Variants in ACAP2 observed in about 807,000 individuals in gnomAD.
ACAP2 encodes the protein arf-GAP with coiled-coil, ANK repeat and PH domain-containing protein 2.
ACAP2 carries 39 observed loss-of-function variants against 115.8 expected under a neutral mutation model. The observed-to-expected ratio is 0.34, with a 90% CI of 0.26 to 0.44. ACAP2 has a LOEUF of 0.44. ACAP2 is among the 20% of genes least tolerant of loss of function. ACAP2 has a pLI of 1.00. For missense variants in ACAP2, 662 were observed against 927.6 expected (o/e 0.71, Z 3.72); for synonymous variants, 289 against 315.8 (o/e 0.92, Z 0.90).
At chr3:195,339,351 G>T (rs970464855) in intron 6 of ACAP2, among the ~76,000 whole-genome samples, 1 of 151,922 alleles carries the variant, frequency 6.6e-6, no homozygotes, top group African/African-American at 2.4e-5. Context: ...GCTGCAAATA[G>T]CCTACTACTC....
chr3:195,392,458 AGTTGAGGT>A (rs1734741944), intron 1 of ACAP2, among the ~76,000 whole-genome samples: 1 of 152,228 alleles, frequency 6.6e-6, no homozygotes, highest in South Asian at 2.1e-4. Flanking sequence ...AAATTTTAAA[AGTTGAGGT>A]GTACAAAGAA....
At chr3:195,307,867 T>C (rs1728519155) in intron 11 of ACAP2, among the ~76,000 whole-genome samples, 1 of 152,202 alleles carries the variant, frequency 6.6e-6, no homozygotes, top group Non-Finnish European at 1.5e-5. Flanking sequence ...AGGGCTTCTG[T>C]CATACAAACC....
intron 6 of ACAP2, among the ~76,000 whole-genome samples, chr3:195,337,884 A>G (rs1042980338): frequency 4.9e-5 from 7 of 143,568 alleles, no homozygotes; most frequent in African/African-American, 1.8e-4. Flanking sequence ...TTACCTTCCC[A>G]CTTTCTGTAC....
intron 6 of ACAP2, among the ~76,000 whole-genome samples, chr3:195,339,129 G>A (rs1412154790): frequency 6.6e-6 from 1 of 152,094 alleles, no homozygotes; most frequent in African/African-American, 2.4e-5. Flanking sequence ...TACTCGGCAG[G>A]CTGAGGCAGG....
At chr3:195,311,537 T>TTTTTTG (rs1353509687) in intron 10 of ACAP2, among the ~76,000 whole-genome samples, 1 of 152,110 alleles carries the variant, frequency 6.6e-6, no homozygotes, top group Non-Finnish European at 1.5e-5. Flanking sequence ...TTCTGTTTTG[T>TTTTTTG]TTTTTGTTTT....
At chr3:195,327,037 T>C in intron 8 of ACAP2, 78 bp from the exon 9 acceptor site, 2 of 1,253,428 alleles carry the variant, frequency 1.6e-6, no homozygotes, top group East Asian at 2.5e-5. Context: ...CCAAATCATT[T>C]CACAGATAAA....
intron 6 of ACAP2, among the ~76,000 whole-genome samples, chr3:195,337,258 C>G (rs1175923372): frequency 6.6e-6 from 1 of 152,162 alleles, no homozygotes; most frequent in Non-Finnish European, 1.5e-5. Context: ...GGAATTCCAT[C>G]TTTTTCCCAC....
chr3:195,389,852 A>G (rs79447129), intron 2 of ACAP2, among the ~76,000 whole-genome samples: 4 of 152,316 alleles, frequency 2.6e-5, no homozygotes, highest in South Asian at 2.1e-4. Context: ...TGCTCCCCCA[A>G]CGCGGATCCT....
intron 7 of ACAP2, among the ~76,000 whole-genome samples, chr3:195,333,348 T>C (rs955570242): frequency 6.6e-6 from 1 of 152,190 alleles, no homozygotes; most frequent in Non-Finnish European, 1.5e-5. Context: ...ACCACAGGCA[T>C]GTGCCACTAT....
intron 21 of ACAP2, 116 bp downstream of exon 21, chr3:195,289,005 A>G (rs1727055321): frequency 4.4e-6 from 3 of 687,338 alleles, no homozygotes; most frequent in Non-Finnish European, 7.4e-6. Context: ...TATAAGGGAC[A>G]TGAGCATATG....
chr3:195,289,576 G>A (rs980519225), intron 20 of ACAP2, among the ~76,000 whole-genome samples: 18 of 151,860 alleles, frequency 1.2e-4, no homozygotes, highest in African/African-American at 3.6e-4. Context: ...CAAGGTGTGC[G>A]GATCACAAAG....
intron 1 of ACAP2, among the ~76,000 whole-genome samples, chr3:195,401,327 TA>T (rs771601005): frequency 4.6e-5 from 7 of 152,244 alleles, no homozygotes; most frequent in South Asian, 4.1e-4. Context: ...CTATGTTTTA[TA>T]ATCTACATGC....
chr3:195,331,891 T>C (rs1313445370), intron 8 of ACAP2, among the ~76,000 whole-genome samples: 1 of 151,914 alleles, frequency 6.6e-6, no homozygotes, highest in East Asian at 1.9e-4. Context: ...TCCCAGCACT[T>C]TGGGAGGCTG....
intron 4 of ACAP2, among the ~76,000 whole-genome samples, chr3:195,365,670 A>G (rs1398725189): frequency 3.3e-5 from 5 of 152,204 alleles, no homozygotes; most frequent in African/African-American, 1.2e-4. Flanking sequence ...ATCTATAGAA[A>G]AGGGCAAGGC....
At chr3:195,303,495 G>A (rs1292828967) in intron 13 of ACAP2, among the ~76,000 whole-genome samples, 2 of 151,944 alleles carry the variant, frequency 1.3e-5, no homozygotes, top group Non-Finnish European at 2.9e-5. Context: ...GCTGAGGCAT[G>A]AGAATCACTT....
At chr3:195,437,557 T>A (rs1490120285) in intron 1 of ACAP2, among the ~76,000 whole-genome samples, 2 of 152,178 alleles carry the variant, frequency 1.3e-5, no homozygotes, top group Non-Finnish European at 2.9e-5. Flanking sequence ...GGCTCACACC[T>A]GCAATCCCAG....
intron 10 of ACAP2, among the ~76,000 whole-genome samples, chr3:195,314,643 T>C (rs1406781997): frequency 6.6e-6 from 1 of 152,138 alleles, no homozygotes; most frequent in Non-Finnish European, 1.5e-5. Context: ...TAATAGCAAA[T>C]GTGTGGTACC....
At chr3:195,349,987 C>T (rs540771138) in intron 4 of ACAP2, 3 of 176,114 alleles carry the variant, frequency 1.7e-5, no homozygotes, top group East Asian at 3.6e-4. Context: ...GTGTCTGTCA[C>T]CACTTTCAAA....
chr3:195,350,988 T>C (rs542153157), intron 4 of ACAP2, among the ~76,000 whole-genome samples: 2 of 150,846 alleles, frequency 1.3e-5, no homozygotes, highest in South Asian at 4.2e-4. Flanking sequence ...ACAAAATCAA[T>C]AAACTGACTT....
Sources: gnomAD v4.1 joint callset for allele counts (sites outside exome capture counted in the v4.1 genomes callset) on GRCh38, gnomAD v4.1.1 for gene constraint, MANE v1.5 for transcripts, NCBI Gene and HGNC (gene_info 2026-07-23, HGNC 2026-07-21) for gene names.